PLD5: variants seen among roughly 807,000 people sequenced by gnomAD.
PLD5 encodes the protein phospholipase D family member 5.
PLD5 carries 36 observed loss-of-function variants against 61.1 expected under a neutral mutation model. That is an observed-to-expected ratio of 0.59 (90% CI 0.45 to 0.78). The LOEUF is 0.78. Ranked by LOEUF, PLD5 falls within the 30% of genes least tolerant of loss-of-function variation. The pLI is 0.00. For synonymous variants in PLD5, 243 were observed against 242.8 expected (o/e 1.00, Z -0.01); for missense variants, 515 against 644.4 (o/e 0.80, Z 2.17).
At chr1:242,131,552 A>G (rs1443826878) in intron 5 of PLD5, among the ~76,000 whole-genome samples, 1 of 152,176 alleles carries the variant, frequency 6.6e-6, no homozygotes, top group Non-Finnish European at 1.5e-5. Flanking sequence ...AAACCTCACG[A>G]CAACCCATTT....
intron 2 of PLD5, among the ~76,000 whole-genome samples, chr1:242,321,507 G>A (rs189689053): frequency 2.0e-5 from 3 of 152,280 alleles, no homozygotes; most frequent in Admixed American, 2.0e-4. Flanking sequence ...GTTTCACCAT[G>A]TTGGCCAGGC....
rs1301464487 is a variant in PLD5 at position 242,152,503 on chromosome 1, C to G, written c.736-27838G>C. Among the ~76,000 whole-genome samples the G allele has an allele frequency of 1.3e-5, 2 of 152,100 alleles. 1 individual carries two copies. The highest frequency in any genetic ancestry group is 4.8e-5 in the African/African-American group (2 of 41,390). On this transcript the variant is annotated intron_variant, in intron 5 of 9. Coordinates refer to ENST00000536534, the MANE Select transcript of PLD5 (RefSeq NM_001372062.1). ...TATTTCTCCTAATGCTATCCCTCCC[C>G]TAGCCCCCTACCCCCTAACAGGCCC...
intron 2 of PLD5, among the ~76,000 whole-genome samples, chr1:242,297,656 G>A (rs1168586812): frequency 2.3e-5 from 3 of 131,038 alleles, no homozygotes; most frequent in Non-Finnish European, 4.7e-5. Flanking sequence ...TTTTTGAGAT[G>A]GAGTCTCGCT....
intron 1 of PLD5, among the ~76,000 whole-genome samples, chr1:242,398,220 G>C (rs978910578): frequency 6.6e-6 from 1 of 152,180 alleles, no homozygotes; most frequent in Non-Finnish European, 1.5e-5. Context: ...TACAGCACTT[G>C]TGAGTACAAC....
chr1:242,396,908 G>A (rs1264680662), intron 1 of PLD5, among the ~76,000 whole-genome samples: 1 of 151,868 alleles, frequency 6.6e-6, no homozygotes, highest in Non-Finnish European at 1.5e-5. Flanking sequence ...TCGATATCTT[G>A]ACCTTGTGAT....
upstream of PLD5, among the ~76,000 whole-genome samples, chr1:242,526,417 T>A (rs72765086): frequency 0.024 from 3,599 of 152,166 alleles, 56 homozygotes; most frequent in South Asian, 0.05. Flanking sequence ...TTGTATAGCA[T>A]CTCTGATAAT....
At chr1:242,281,601 T>C (rs1300067755) in intron 3 of PLD5, among the ~76,000 whole-genome samples, 2 of 152,344 alleles carry the variant, frequency 1.3e-5, no homozygotes, top group South Asian at 2.1e-4. Context: ...GATCAAATAT[T>C]TCACAATCTT....
At chr1:242,126,346 A>G (rs1367421157) in intron 5 of PLD5, among the ~76,000 whole-genome samples, 2 of 152,224 alleles carry the variant, frequency 1.3e-5, no homozygotes, top group Admixed American at 1.3e-4. Flanking sequence ...AAGCCTGCAT[A>G]GGCCAAAGCA....
At chr1:242,506,302 A>G (rs1668717282) in intron 1 of PLD5, among the ~76,000 whole-genome samples, 1 of 152,162 alleles carries the variant, frequency 6.6e-6, no homozygotes, top group Non-Finnish European at 1.5e-5. Flanking sequence ...CTCTAGTTGG[A>G]GGCGCCTGGG....
intron 4 of PLD5, among the ~76,000 whole-genome samples, chr1:242,242,746 A>T (rs1351780841): frequency 6.6e-6 from 1 of 152,254 alleles, no homozygotes; most frequent in Non-Finnish European, 1.5e-5. Context: ...ATTAGTTGGA[A>T]CTATCACTAA....
chr1:242,327,156 C>G (rs1305233345), intron 2 of PLD5, among the ~76,000 whole-genome samples: 1 of 151,000 alleles, frequency 6.6e-6, no homozygotes, highest in South Asian at 2.1e-4. Context: ...TGAGCCACCA[C>G]GCCTGGCGCT....
chr1:242,497,928 AG>A (rs1464528544), intron 1 of PLD5, among the ~76,000 whole-genome samples: 1 of 151,832 alleles, frequency 6.6e-6, no homozygotes, highest in Admixed American at 6.6e-5. Flanking sequence ...GTAGTTTGAA[AG>A]AATCAGGTTT....
At position 242,388,581 on chromosome 1, in the gene PLD5, G is replaced by A. The variant is rs566233784; in HGVS notation, c.190-40339C>T. On this transcript the variant is annotated intron_variant, in intron 1 of 9. Transcript: ENST00000536534. ...AGAATTACTGAGGCGGCATAGTAGG[G>A]GAAATATACACAGAATGTTCGGTAC... Among the ~76,000 whole-genome samples, 3 of 152,246 alleles carry A rather than the reference G, an allele frequency of 2.0e-5. No individual in the cohort carries two copies. In the East Asian group the frequency reaches 5.8e-4, roughly 29 times the overall value.
In PLD5 at chr1:242,377,099, A is replaced by G. The variant is rs778344020; in HGVS notation, c.190-28857T>C. 83 of 1,611,578 alleles carry G rather than the reference A, an allele frequency of 5.2e-5. 1 individual carries two copies. The highest frequency in any genetic ancestry group is 1.5e-5 in the Non-Finnish European group (18 of 1,179,780). On this transcript the variant is annotated intron_variant, in intron 1 of 9. Coordinates refer to ENST00000536534, the MANE Select transcript of PLD5 (RefSeq NM_001372062.1). ...GGCTGGGTTTGTTCTCCTGTTGGTT[A>G]TCTTCCCCAGCCCCATTTTGCTTGG...
rs1420917851 is a variant in PLD5, at chr1:242,303,288, G to A, written c.327-14758C>T. On this transcript the variant is annotated intron_variant, in intron 2 of 9. Transcript: ENST00000536534. ...CTTTCCTGAGCCTGCCCTTGGCCTCGCCGTCTCTCTCAGCCCATTGCTTCA... is the reference window on the plus strand; with the variant it reads ...CTTTCCTGAGCCTGCCCTTGGCCTCACCGTCTCTCTCAGCCCATTGCTTCA... 3.9e-5 allele frequency among the ~76,000 whole-genome samples: 6 copies of A among 152,258 alleles called. No homozygotes were observed. The East Asian group carries it at 5.8e-4, about 15-fold the overall frequency.
intron 1 of PLD5, among the ~76,000 whole-genome samples, chr1:242,505,909 T>A (rs1041401624): frequency 6.6e-6 from 1 of 152,044 alleles, no homozygotes. Context: ...AGTGTAGGAG[T>A]TGAAAATGAA....
At chr1:242,482,402 G>A (rs1301290974) in intron 1 of PLD5, among the ~76,000 whole-genome samples, 3 of 152,220 alleles carry the variant, frequency 2.0e-5, no homozygotes, top group Non-Finnish European at 4.4e-5. Flanking sequence ...CAAGAACTAT[G>A]TGACGAATGC....
rs1659374055 is a variant in PLD5, at chr1:242,084,661, C to A, written c.*5193G>T. ...TACAGCTCAATATGGGTTTGCTGAG[C>A]AGACACTAGGTTCTCTAGTGGGGTC... On this transcript the variant is annotated 3_prime_UTR_variant, in exon 10 of 10. Coordinates refer to ENST00000536534, the MANE Select transcript of PLD5 (RefSeq NM_001372062.1). 6.6e-6 allele frequency: 1 copy of A among 150,640 alleles called. No individual in the cohort carries two copies. Among genetic ancestry groups the A allele is most frequent in the Non-Finnish European group, 1.5e-5 (1 of 67,914 alleles). The allele number at this position is 150,640 out of a possible 1,614,324, so 9.3% of individuals were successfully genotyped here.
chr1:242,150,377 G>C (rs1026333187), intron 5 of PLD5, among the ~76,000 whole-genome samples: 1 of 151,586 alleles, frequency 6.6e-6, no homozygotes, highest in Non-Finnish European at 1.5e-5. Flanking sequence ...CTCTCTACTT[G>C]CTATCAATTA....
Sources: gnomAD v4.1 joint callset for allele counts (sites outside exome capture counted in the v4.1 genomes callset) on GRCh38, gnomAD v4.1.1 for gene constraint, MANE v1.5 for transcripts, NCBI Gene and HGNC (gene_info 2026-07-23, HGNC 2026-07-21) for gene names.